Variants in PI4KA observed in about 807,000 individuals in gnomAD.
PI4KA encodes phosphatidylinositol 4-kinase alpha.
Under a neutral mutation model 271.4 loss-of-function variants are expected in PI4KA, and 122 were observed. The ratio of observed to expected loss-of-function variants is 0.45; its 90% CI spans 0.39 to 0.52. PI4KA has a LOEUF of 0.52. Ranked by LOEUF, PI4KA falls within the 20% of genes least tolerant of loss-of-function variation. PI4KA has a pLI of 0.00. For synonymous variants in PI4KA, 1,041 were observed against 1,078.8 expected (o/e 0.96, Z 0.69); for missense variants, 1,969 against 2,769.1 (o/e 0.71, Z 6.48).
intron 19 of PI4KA, among the ~76,000 whole-genome samples, chr22:20,768,187 C>T (rs961131725): frequency 3.3e-5 from 5 of 151,874 alleles, no homozygotes; most frequent in African/African-American, 9.7e-5. Flanking sequence ...GGCCAATGCC[C>T]GGCTTAATTA....
At chr22:20,752,731 G>C (rs943080850) in intron 25 of PI4KA, among the ~76,000 whole-genome samples, 172 bp downstream of exon 25, 14 of 152,186 alleles carry the variant, frequency 9.2e-5, no homozygotes, top group African/African-American at 3.1e-4. Context: ...CCAAAATTCA[G>C]ACTCTGCAGG....
At chr22:20,798,873 A>C in intron 16 of PI4KA, 186 bp from the exon 17 acceptor site, 1 of 625,316 alleles carries the variant, frequency 1.6e-6, no homozygotes, top group Non-Finnish European at 2.8e-6. Context: ...CATGGCTTAG[A>C]TTCAAATCTT....
At chr22:20,855,226 G>A (rs1349594014) in intron 1 of PI4KA, among the ~76,000 whole-genome samples, 15 of 151,288 alleles carry the variant, frequency 9.9e-5, no homozygotes, top group Admixed American at 9.9e-4. Flanking sequence ...TCAAAAGGAG[G>A]AATGTAGTAA....
At chr22:20,751,500 A>C (rs1930686011) in intron 26 of PI4KA, 124 bp from the exon 27 acceptor site, 5 of 960,248 alleles carry the variant, frequency 5.2e-6, no homozygotes. Context: ...GATGCAACTT[A>C]TTGCAAAACA....
intron 43 of PI4KA, among the ~76,000 whole-genome samples, chr22:20,719,872 A>G (rs913061718): frequency 6.6e-6 from 1 of 151,910 alleles, no homozygotes; most frequent in Non-Finnish European, 1.5e-5. Flanking sequence ...TGAAAATACA[A>G]AAAAATTAGC....
At chr22:20,715,068 T>TG (rs1400732327) in intron 45 of PI4KA, among the ~76,000 whole-genome samples, 1 of 151,320 alleles carries the variant, frequency 6.6e-6, no homozygotes, top group Non-Finnish European at 1.5e-5. Context: ...CCTCCATTCT[T>TG]GGAGTCCTTT....
chr22:20,796,382 A>C, intron 17 of PI4KA, 68 bp from the exon 18 acceptor site: 1 of 1,499,008 alleles, frequency 6.7e-7, no homozygotes. Flanking sequence ...ACGGCACTGC[A>C]GGGGTGAGGC....
intron 19 of PI4KA, among the ~76,000 whole-genome samples, chr22:20,775,224 T>C (rs909562818): frequency 6.6e-6 from 1 of 152,114 alleles, no homozygotes. Flanking sequence ...AACTTTTGAA[T>C]GATTTATCTT....
At chr22:20,751,214 C>G (rs1005624264) in intron 27 of PI4KA, 79 bp downstream of exon 27, 2 of 1,158,768 alleles carry the variant, frequency 1.7e-6, no homozygotes, top group African/African-American at 1.5e-5. Flanking sequence ...TGAGCTCATG[C>G]AGGTTGACCA....
Position 20,734,162 on chromosome 22 carries a change from G to A in PI4KA, c.3933C>T (p.Tyr1311=), listed in dbSNP as rs1372826148. The A allele has an allele frequency of 1.3e-6, 2 of 1,549,792 alleles. No homozygotes were observed. The highest frequency in any genetic ancestry group is 4.9e-5 in the East Asian group (2 of 41,042). Residue 1311 remains tyrosine, a synonymous_variant, in exon 34 of 55, where the codon TAC becomes TAT. Coordinates refer to ENST00000255882, the MANE Select transcript of PI4KA (RefSeq NM_058004.4). The part of the protein sequence containing the change: ...FLVQRFEIAK[Y]CSSDQVEIFS... ...AGATCTCCACTTGGTCAGAGCTGCAGTACTTGGCGATCTCAAACCGCTGCA... is the reference window on the plus strand; with the variant it reads ...AGATCTCCACTTGGTCAGAGCTGCAATACTTGGCGATCTCAAACCGCTGCA...
At chr22:20,736,104 G>A (rs976835166) in intron 32 of PI4KA, among the ~76,000 whole-genome samples, 1 of 152,146 alleles carries the variant, frequency 6.6e-6, no homozygotes, top group Admixed American at 6.5e-5. Context: ...GCGAGTGAGC[G>A]TGTGACAGAC....
At chr22:20,835,056 G>C (rs1364103485) in intron 2 of PI4KA, among the ~76,000 whole-genome samples, 4 of 152,124 alleles carry the variant, frequency 2.6e-5, no homozygotes, top group Non-Finnish European at 4.4e-5. Flanking sequence ...CCTGGGGATG[G>C]AGAGAAGCTC....
At chr22:20,848,063 C>A (rs971633614) in intron 1 of PI4KA, among the ~76,000 whole-genome samples, 1 of 152,108 alleles carries the variant, frequency 6.6e-6, no homozygotes, top group Non-Finnish European at 1.5e-5. Flanking sequence ...CATGGCAAAA[C>A]CCTGTCTCTG....
At chr22:20,833,300 T>C (rs921468695) in intron 3 of PI4KA, among the ~76,000 whole-genome samples, 1 of 152,118 alleles carries the variant, frequency 6.6e-6, no homozygotes, top group Non-Finnish European at 1.5e-5. Context: ...GCCACAACAC[T>C]CTGAAGGGTA....
chr22:20,802,081 C>G lies in PI4KA; in HGVS notation c.1616G>C (p.Ser539Thr). ...TGACTCGGAATGCTCATTGGTCACA[C>G]TGATTTTTATATCATTGCCAGCAAC... The part of the protein sequence containing the change: ...HTVAGNDIKI[S>T]VTNEHSESTL... Residue 539 changes from serine to threonine, a missense_variant, in exon 14 of 55, where the codon AGT becomes ACT. Ser to Thr is a moderately conservative substitution (Grantham distance 58, BLOSUM62 1). This residue lies in a region of PI4KA where 228 missense variants were observed against 261.6 expected (regional missense o/e 0.87). Transcript: ENST00000255882. 1.2e-6 allele frequency: 2 copies of G among 1,614,006 alleles called. No individual in the cohort carries two copies. Among genetic ancestry groups the G allele is most frequent in the Non-Finnish European group, 1.7e-6 (2 of 1,179,972 alleles).
rs575163937 is a variant in PI4KA, at chr22:20,774,319, T to C, written c.2329-8626A>G. Among the ~76,000 whole-genome samples the C allele has an allele frequency of 1.2e-3, 189 of 152,366 alleles. 1 individual carries two copies. The highest frequency in any genetic ancestry group is 4.4e-3 in the African/African-American group (183 of 41,582). ...CTATTATAAAATTGTGTCAGTTCCA[T>C]TGTTGGGAGAGTTGACAAACTTAGA... On this transcript the variant is annotated intron_variant, in intron 19 of 54. Coordinates refer to ENST00000255882, the MANE Select transcript of PI4KA (RefSeq NM_058004.4).
rs1312055895 is a variant in PI4KA, at chr22:20,714,547, A to G, written c.5391-19T>C. 1 of 1,613,968 alleles carries G rather than the reference A, an allele frequency of 6.2e-7. No homozygotes were observed. Among genetic ancestry groups the G allele is most frequent in the Non-Finnish European group, 8.5e-7 (1 of 1,179,818 alleles). On this transcript the variant is annotated intron_variant, in intron 46 of 54. Transcript: ENST00000255882. ...TGCAGCACTGAAAACAACAAAAAGAATGTGGCACCCATGATGCAGCCGAGA... is the reference window on the plus strand; with the variant it reads ...TGCAGCACTGAAAACAACAAAAAGAGTGTGGCACCCATGATGCAGCCGAGA...
intron 27 of PI4KA, 22 bp downstream of exon 27, chr22:20,751,271 C>T (rs1393701397): frequency 1.9e-6 from 3 of 1,591,890 alleles, no homozygotes; most frequent in Non-Finnish European, 2.6e-6. Context: ...GCCCTTAGTG[C>T]AGGGGATCGT....
At chr22:20,835,045 T>G (rs1203017444) in intron 2 of PI4KA, among the ~76,000 whole-genome samples, 9 of 152,052 alleles carry the variant, frequency 5.9e-5, no homozygotes, top group African/African-American at 2.2e-4. Flanking sequence ...CAGAATAAGA[T>G]CCTGGGGATG....
Sources: allele counts gnomAD v4.1 joint callset (sites outside exome capture counted in the v4.1 genomes callset), GRCh38; gene constraint gnomAD v4.1.1; regional missense constraint gnomAD v4.1.1; transcripts MANE v1.5; gene names NCBI Gene and HGNC (gene_info 2026-07-23, HGNC 2026-07-21).